KCNJ5: variants seen among roughly 807,000 people sequenced by gnomAD.
The protein encoded by KCNJ5 is potassium inwardly rectifying channel subfamily J member 5, also known as G protein-activated inward rectifier potassium channel 4.
In KCNJ5, 12 loss-of-function variants were observed where a neutral mutation model predicts 20.2. The observed-to-expected ratio is 0.59, with a 90% CI of 0.38 to 0.96. The LOEUF (loss-of-function observed/expected upper bound fraction) is 0.96. Among genes scored for constraint, KCNJ5 ranks in the 40% least tolerant of loss-of-function variants. The pLI is 0.00. For synonymous variants in KCNJ5, 210 were observed against 213.9 expected, an observed-to-expected ratio of 0.98 and a Z score of 0.16; for missense variants, 449 against 557.6, an observed-to-expected ratio of 0.81 and a Z score of 1.96.
intron 1 of KCNJ5, among the ~76,000 whole-genome samples, chr11:128,894,185 T>C (rs1283982351): frequency 4.7e-4 from 2 of 4,242 alleles, no homozygotes; most frequent in Non-Finnish European, 8.2e-4. Context: ...TCTGCATTGT[T>C]TTTTTTTTTT....
rs1944507826 is a variant in KCNJ5 at position 128,911,882 on chromosome 11, C to T, written c.609C>T (p.Ser203=). 6.2e-7 allele frequency: 1 copy of T among 1,610,852 alleles called. No individual in the cohort carries two copies. The change falls in exon 2 of 3, where the codon TCC becomes TCT. Residue 203 remains serine, a synonymous_variant. Transcript: ENST00000529694. The surrounding 1 kb of genome is among the most constrained non-coding windows in gnomAD (Gnocchi z 6.3). ...AGAGAGCGGAGACCCTCATGTTTTC[C>T]AACAACGCAGTCATCTCCATGCGGG... ...PKKRAETLMF[S]NNAVISMRDE...
chr11:128,909,452 C>T (rs1251734531), intron 1 of KCNJ5, among the ~76,000 whole-genome samples: 1 of 152,242 alleles, frequency 6.6e-6, no homozygotes, highest in East Asian at 1.9e-4. Context: ...ATGTAGAGCG[C>T]TGCACTGGTC....
At chr11:128,896,795 C>T (rs1944184375) in intron 1 of KCNJ5, among the ~76,000 whole-genome samples, 1 of 152,142 alleles carries the variant, frequency 6.6e-6, no homozygotes, top group Non-Finnish European at 1.5e-5. Flanking sequence ...TGTACTGGTT[C>T]TTGTGTGAAC....
chr11:128,904,518 G>C (rs138330651), intron 1 of KCNJ5: 2 of 1,509,868 alleles, frequency 1.3e-6, no homozygotes, highest in Admixed American at 3.3e-5. Context: ...GTCCAGGGCG[G>C]AGAGGTCGTG....
chr11:128,907,238 A>G (rs1459949477), intron 1 of KCNJ5, among the ~76,000 whole-genome samples: 2 of 152,146 alleles, frequency 1.3e-5, no homozygotes, highest in South Asian at 2.1e-4. Context: ...GATGCTTGTG[A>G]TCACAGATAG....
At chr11:128,893,267 C>T (rs961959652) in intron 1 of KCNJ5, among the ~76,000 whole-genome samples, 1 of 152,080 alleles carries the variant, frequency 6.6e-6, no homozygotes, top group Admixed American at 6.5e-5. Context: ...AGTGGGAGGC[C>T]TGGGGCACAG....
intron 1 of KCNJ5, among the ~76,000 whole-genome samples, chr11:128,909,305 C>T (rs1944467033): frequency 6.6e-6 from 1 of 152,148 alleles, no homozygotes; most frequent in Admixed American, 6.5e-5. Flanking sequence ...CCTGGTGGAA[C>T]CTGCAGCTGG....
At chr11:128,898,509 C>T (rs1331757559) in intron 1 of KCNJ5, among the ~76,000 whole-genome samples, 9 of 152,362 alleles carry the variant, frequency 5.9e-5, no homozygotes, top group East Asian at 5.8e-4. Flanking sequence ...CCATGGCAAG[C>T]GCCAAGATGC....
chr11:128,919,158 G>T lies in KCNJ5; in HGVS notation c.*2427G>T, dbSNP rs1944632986. The T allele has an allele frequency of 6.6e-6, 1 of 152,398 alleles. No individual in the cohort carries two copies. The highest frequency in any genetic ancestry group is 1.5e-5 in the Non-Finnish European group (1 of 68,192). 9.4% of individuals were successfully genotyped at this position (152,398 alleles called of 1,614,324 possible). On this transcript the variant is annotated 3_prime_UTR_variant, in exon 3 of 3. Coordinates refer to ENST00000529694, the MANE Select transcript of KCNJ5 (RefSeq NM_000890.5). ...TGCCCCCAGGTTAGAGCTCATGGGG[G>T]TCAACTAAGCGAGGGAGGGAAGGCG...
At chr11:128,896,996 A>G (rs1267000674) in intron 1 of KCNJ5, among the ~76,000 whole-genome samples, 1 of 152,020 alleles carries the variant, frequency 6.6e-6, no homozygotes, top group African/African-American at 2.4e-5. Flanking sequence ...CATCTTTGCC[A>G]ACATTTGTTA....
rs146960310 is a variant in KCNJ5, at chr11:128,896,550, T to C, written c.-11+4829T>C. On this transcript the variant is annotated intron_variant, in intron 1 of 2. Coordinates refer to ENST00000529694, the MANE Select transcript of KCNJ5 (RefSeq NM_000890.5). Reference sequence around the variant, plus strand: ...TGTAATCTTTTGGGATTGGCTTTTTTCACTCAACAAAATTCTCTGGGGATT... The same window carrying C: ...TGTAATCTTTTGGGATTGGCTTTTTCCACTCAACAAAATTCTCTGGGGATT... Among the ~76,000 whole-genome samples the C allele has an allele frequency of 3.1e-4, 47 of 152,312 alleles. No homozygotes were observed. In the East Asian group the frequency reaches 7.9e-3, roughly 26 times the overall value.
intron 1 of KCNJ5, chr11:128,903,420 G>A (rs1474605658): frequency 6.2e-7 from 1 of 1,613,996 alleles, no homozygotes; most frequent in African/African-American, 1.3e-5. Context: ...CAGACTCACA[G>A]GTTCTGGTTA....
At chr11:128,908,795 G>A (rs960249262) in intron 1 of KCNJ5, among the ~76,000 whole-genome samples, 11 of 152,182 alleles carry the variant, frequency 7.2e-5, no homozygotes, top group East Asian at 5.8e-4. Flanking sequence ...CAGGGAGTCC[G>A]CAGCGGCACC....
rs1465442356 is a variant in KCNJ5, at chr11:128,891,663, C to T, written c.-69C>T. ...AAAGCCCTGAGCCCCCCTGCACCGC[C>T]GCTAAGGGACACCCCAGAAGTTAGC... On this transcript the variant is annotated 5_prime_UTR_variant, in exon 1 of 3. Transcript: ENST00000529694. 1 of 152,292 alleles carries T rather than the reference C, an allele frequency of 6.6e-6. No homozygotes were observed. The highest frequency in any genetic ancestry group is 6.5e-5 in the Admixed American group (1 of 15,282). The allele number at this position is 152,292 out of a possible 1,614,324, so 9.4% of individuals were successfully genotyped here.
At chr11:128,912,730 C>T (rs1318644169) in intron 2 of KCNJ5, among the ~76,000 whole-genome samples, 3 of 152,126 alleles carry the variant, frequency 2.0e-5, no homozygotes, top group Non-Finnish European at 2.9e-5. Context: ...AGGTTGGTGT[C>T]GAACTCCTGA....
At chr11:128,912,764 C>T (rs1166189971) in intron 2 of KCNJ5, among the ~76,000 whole-genome samples, 1 of 152,200 alleles carries the variant, frequency 6.6e-6, no homozygotes, top group East Asian at 1.9e-4. Context: ...CTGCCTCGGC[C>T]TCCCAAAGTG....
chr11:128,911,858 G>A lies in KCNJ5; in HGVS notation c.585G>A (p.Lys195=), dbSNP rs267602774. 6.2e-7 allele frequency: 1 copy of A among 1,613,668 alleles called. No homozygotes were observed. Among genetic ancestry groups the A allele is most frequent in the Middle Eastern group, 1.7e-4 (1 of 6,060 alleles). Residue 195 remains lysine, a synonymous_variant, in exon 2 of 3, where the codon AAG becomes AAA. Coordinates refer to ENST00000529694, the MANE Select transcript of KCNJ5 (RefSeq NM_000890.5). The surrounding 1 kb of genome is among the most constrained non-coding windows in gnomAD (Gnocchi z 6.3). The part of the protein sequence containing the change: ...CMFVKISQPK[K]RAETLMFSNN... ...TTGTCAAGATCAGCCAGCCCAAGAA[G>A]AGAGCGGAGACCCTCATGTTTTCCA...
rs1358363762 is a variant in KCNJ5 at position 128,895,247 on chromosome 11, G to A, written c.-11+3526G>A. Among the ~76,000 whole-genome samples, 10 of 152,272 alleles carry A rather than the reference G, an allele frequency of 6.6e-5. No homozygotes were observed. In the East Asian group the frequency reaches 1.9e-3, roughly 29 times the overall value. On this transcript the variant is annotated intron_variant, in intron 1 of 2. Transcript: ENST00000529694. ...AGGCACCCGACTTTACAGTCAGGGA[G>A]GTCCAATGCCATCATCCTACATTAT...
chr11:128,912,000 C>A lies in KCNJ5; in HGVS notation c.727C>A (p.Gln243Lys). 1 of 1,608,488 alleles carries A rather than the reference C, an allele frequency of 6.2e-7. No individual in the cohort carries two copies. The highest frequency in any genetic ancestry group is 8.5e-7 in the Non-Finnish European group (1 of 1,175,944). Reference protein sequence around the residue: ...SIRAKLIKSRQTKEGEFIPLN... With the variant: ...SIRAKLIKSRKTKEGEFIPLN... ...CCGGGCCAAGCTCATCAAGTCCCGG[C>A]AGACCAAAGAGGGGGAGTTCATCCC... Residue 243 changes from glutamine (Q) to lysine (K), a missense_variant, in exon 2 of 3, where the codon CAG (glutamine) becomes AAG (lysine). Gln to Lys is a moderately conservative substitution (Grantham distance 53, BLOSUM62 1). Coordinates refer to ENST00000529694, the MANE Select transcript of KCNJ5 (RefSeq NM_000890.5). This position sits in a 1 kb window ranked among gnomAD's most constrained non-coding sequence, Gnocchi z 6.3.
Sources: gnomAD v4.1 joint callset for allele counts (sites outside exome capture counted in the v4.1 genomes callset) on GRCh38, gnomAD v4.1.1 for gene constraint, Gnocchi (gnomAD v3.1) non-coding constraint, MANE v1.5 for transcripts, NCBI Gene and HGNC (gene_info 2026-07-23, HGNC 2026-07-21) for gene names.